MBD5: variants seen among roughly 807,000 people sequenced by gnomAD.
MBD5 encodes methyl-CpG binding domain protein 5.
In MBD5, 13 loss-of-function variants were observed where a neutral mutation model predicts 117.3. That is an observed-to-expected ratio of 0.11 (90% CI 0.07 to 0.18). The LOEUF (loss-of-function observed/expected upper bound fraction) is 0.18. MBD5 is among the 10% of genes least tolerant of loss of function. The pLI, the probability that MBD5 is intolerant of heterozygous loss-of-function variation, is 1.00. For synonymous variants in MBD5, 727 were observed against 766.4 expected, an observed-to-expected ratio of 0.95 and a Z score of 0.85; for missense variants, 1,879 against 2,093.8, an observed-to-expected ratio of 0.90 and a Z score of 2.00.
At chr2:148,189,063 G>A (rs1397330292) in intron 2 of MBD5, among the ~76,000 whole-genome samples, 1 of 142,174 alleles carries the variant, frequency 7.0e-6, no homozygotes, top group Non-Finnish European at 1.5e-5. Flanking sequence ...TTAAGAAACG[G>A]CGCACCACGA....
At chr2:148,285,048 C>T (rs998211393) in intron 3 of MBD5, among the ~76,000 whole-genome samples, 1 of 152,188 alleles carries the variant, frequency 6.6e-6, no homozygotes, top group African/African-American at 2.4e-5. Context: ...ACCACAGCAG[C>T]TGTCTGGTCC....
At chr2:148,492,007 T>C (rs896828525) in intron 11 of MBD5, among the ~76,000 whole-genome samples, 3 of 151,910 alleles carry the variant, frequency 2.0e-5, no homozygotes, top group African/African-American at 7.3e-5. Flanking sequence ...GGAAGCATTC[T>C]CCCTGTCCTA....
At chr2:148,334,163 C>T (rs971862976) in intron 3 of MBD5, among the ~76,000 whole-genome samples, 2 of 152,024 alleles carry the variant, frequency 1.3e-5, no homozygotes, top group Admixed American at 6.6e-5. Context: ...TCACCAATTC[C>T]TAAGTCTTTT....
chr2:148,455,902 G>C (rs996291592), intron 4 of MBD5, among the ~76,000 whole-genome samples: 4 of 152,058 alleles, frequency 2.6e-5, no homozygotes, highest in Admixed American at 2.0e-4. Context: ...AAAAAAACAA[G>C]TTTGGTCATC....
At chr2:148,138,485 G>A in intron 1 of MBD5, among the ~76,000 whole-genome samples, 1 of 152,172 alleles carries the variant, frequency 6.6e-6, no homozygotes, top group Non-Finnish European at 1.5e-5. Flanking sequence ...TAACTTTTTA[G>A]AATGTAGCAG....
chr2:148,113,181 T>A (rs1454295314), intron 1 of MBD5, among the ~76,000 whole-genome samples: 2 of 152,160 alleles, frequency 1.3e-5, no homozygotes, highest in African/African-American at 4.8e-5. Flanking sequence ...AAACTCCTAA[T>A]ACTTGAGGTG....
intron 1 of MBD5, among the ~76,000 whole-genome samples, chr2:148,087,122 A>G (rs868788812): frequency 6.6e-6 from 1 of 152,184 alleles, no homozygotes; most frequent in Non-Finnish European, 1.5e-5. Flanking sequence ...CTTTTGCTCC[A>G]GGAACCACCA....
At chr2:148,082,715 C>A (rs956043162) in intron 1 of MBD5, among the ~76,000 whole-genome samples, 13 of 152,044 alleles carry the variant, frequency 8.6e-5, no homozygotes, top group African/African-American at 3.1e-4. Flanking sequence ...ACTTAATCTG[C>A]ATGTGATTTC....
At chr2:148,025,765 T>G (rs563087643) in intron 1 of MBD5, 1 of 152,198 alleles carries the variant, frequency 6.6e-6, no homozygotes, top group Admixed American at 6.5e-5. Context: ...TATTTAGGAG[T>G]TTTGGAATTT....
intron 3 of MBD5, among the ~76,000 whole-genome samples, chr2:148,257,042 A>G (rs897676421): frequency 1.3e-5 from 2 of 152,180 alleles, no homozygotes; most frequent in Non-Finnish European, 2.9e-5. Flanking sequence ...CACTCTCACA[A>G]GCCTGAAGGG....
chr2:148,021,194 T>C lies in MBD5; in HGVS notation c.-1415T>C. ...TATTTTTAAAGGGACAGGACACTAATTCTACCCCACTTCAACCTTGAATTC... is the reference window on the plus strand; with the variant it reads ...TATTTTTAAAGGGACAGGACACTAACTCTACCCCACTTCAACCTTGAATTC... On this transcript the variant is annotated 5_prime_UTR_variant, in exon 1 of 14. Coordinates refer to ENST00000642680, the MANE Select transcript of MBD5 (RefSeq NM_001378120.1). 1 of 223,286 alleles carries C rather than the reference T, an allele frequency of 4.5e-6. No individual in the cohort carries two copies. The highest frequency in any genetic ancestry group is 9.4e-6 in the Non-Finnish European group (1 of 106,278). 13.8% of individuals were successfully genotyped at this position (223,286 alleles called of 1,614,324 possible).
intron 1 of MBD5, among the ~76,000 whole-genome samples, chr2:148,083,313 G>C (rs997901002): frequency 6.6e-6 from 1 of 152,122 alleles, no homozygotes; most frequent in African/African-American, 2.4e-5. Flanking sequence ...GAAATACTAG[G>C]AAATATTTAC....
intron 2 of MBD5, among the ~76,000 whole-genome samples, chr2:148,200,732 C>T (rs1048611928): frequency 6.7e-6 from 1 of 148,266 alleles, no homozygotes; most frequent in Non-Finnish European, 1.5e-5. Flanking sequence ...GGTTTCAACA[C>T]AGAAAAAAAA....
At chr2:148,418,029 G>A (rs1037261325) in intron 4 of MBD5, among the ~76,000 whole-genome samples, 3 of 151,936 alleles carry the variant, frequency 2.0e-5, no homozygotes, top group South Asian at 2.1e-4. Context: ...CTGTGAAGAC[G>A]GGGTTTCACC....
intron 4 of MBD5, among the ~76,000 whole-genome samples, chr2:148,457,985 T>G (rs1350255856): frequency 6.6e-6 from 1 of 152,096 alleles, no homozygotes; most frequent in African/African-American, 2.4e-5. Flanking sequence ...CTCTAGTAAT[T>G]AGAAAGTTGG....
chr2:148,186,127 C>G (rs1166380755), intron 2 of MBD5, among the ~76,000 whole-genome samples: 2 of 152,224 alleles, frequency 1.3e-5, no homozygotes, highest in Non-Finnish European at 2.9e-5. Context: ...GGCTGTGTCA[C>G]CACTCAGATC....
intron 4 of MBD5, among the ~76,000 whole-genome samples, chr2:148,382,958 G>A (rs1171738567): frequency 6.6e-6 from 1 of 151,484 alleles, no homozygotes; most frequent in African/African-American, 2.4e-5. Flanking sequence ...TCAAAGCAGT[G>A]TGTAGAGGGA....
chr2:148,146,623 G>A (rs758417761), intron 1 of MBD5, among the ~76,000 whole-genome samples: 12 of 151,886 alleles, frequency 7.9e-5, no homozygotes, highest in Non-Finnish European at 1.3e-4. Context: ...GAGCTTCTTG[G>A]GTACTCATAT....
intron 1 of MBD5, among the ~76,000 whole-genome samples, chr2:148,033,382 A>G (rs868770007): frequency 6.6e-6 from 1 of 152,152 alleles, no homozygotes; most frequent in Non-Finnish European, 1.5e-5. Context: ...AGTGTGCATC[A>G]CTTGGAGTGA....
Sources: gnomAD v4.1 joint callset for allele counts (sites outside exome capture counted in the v4.1 genomes callset) on GRCh38, gnomAD v4.1.1 for gene constraint, MANE v1.5 for transcripts, NCBI Gene and HGNC (gene_info 2026-07-23, HGNC 2026-07-21) for gene names.